CACUL1: variants seen among roughly 807,000 people sequenced by gnomAD.
CACUL1 encodes CDK2-associated and cullin domain-containing protein 1.
A neutral mutation model predicts 45.2 loss-of-function variants in CACUL1; 13 were observed. The ratio of observed to expected loss-of-function variants is 0.29; its 90% CI spans 0.19 to 0.46. The LOEUF (loss-of-function observed/expected upper bound fraction) is 0.46. Ranked by LOEUF, CACUL1 falls within the 20% of genes least tolerant of loss-of-function variation. The probability of loss-of-function intolerance (pLI) is 1.00; values close to 1 mark genes in which losing one functional copy is unlikely to be tolerated. For missense variants in CACUL1, 421 were observed against 471.4 expected, an observed-to-expected ratio of 0.89 and a Z score of 0.99; for synonymous variants, 197 against 174.2, an observed-to-expected ratio of 1.13 and a Z score of -1.03.
intron 5 of CACUL1, among the ~76,000 whole-genome samples, chr10:118,696,853 T>C (rs543181992): frequency 6.6e-6 from 1 of 152,346 alleles, no homozygotes; most frequent in South Asian, 2.1e-4. Context: ...CTTCCTAACC[T>C]TTTCACCATT....
intron 3 of CACUL1, among the ~76,000 whole-genome samples, chr10:118,710,182 T>C (rs1185205995): frequency 1.3e-5 from 2 of 151,718 alleles, no homozygotes; most frequent in African/African-American, 2.4e-5. Flanking sequence ...TGCCTCAGCC[T>C]CCCAAAGGGC....
intron 4 of CACUL1, among the ~76,000 whole-genome samples, chr10:118,702,399 C>A (rs1226924138): frequency 6.6e-6 from 1 of 152,164 alleles, no homozygotes; most frequent in Non-Finnish European, 1.5e-5. Context: ...GACCAAAAAT[C>A]AAGTCCTTAG....
At chr10:118,752,011 TG>T (rs1170245625) in intron 1 of CACUL1, among the ~76,000 whole-genome samples, 2 of 152,206 alleles carry the variant, frequency 1.3e-5, no homozygotes, top group African/African-American at 4.8e-5. Flanking sequence ...ATCAAATTTT[TG>T]TAAGTTTATC....
At chr10:118,748,297 C>T (rs1845864707) in intron 1 of CACUL1, among the ~76,000 whole-genome samples, 2 of 152,208 alleles carry the variant, frequency 1.3e-5, no homozygotes, top group Non-Finnish European at 2.9e-5. Context: ...TAACATCTCC[C>T]GCTAGACAAA....
chr10:118,736,409 G>A (rs1845741580), intron 1 of CACUL1, among the ~76,000 whole-genome samples: 1 of 151,308 alleles, frequency 6.6e-6, no homozygotes, highest in East Asian at 1.9e-4. Flanking sequence ...TTTGAGACAG[G>A]GTCTCTCACT....
intron 3 of CACUL1, among the ~76,000 whole-genome samples, chr10:118,712,832 G>A (rs1845502438): frequency 6.6e-6 from 1 of 152,220 alleles, no homozygotes; most frequent in South Asian, 2.1e-4. Flanking sequence ...AGGGGAGGAA[G>A]TACGTGCCCA....
chr10:118,705,509 T>C (rs1254527526), intron 4 of CACUL1, among the ~76,000 whole-genome samples: 2 of 152,178 alleles, frequency 1.3e-5, no homozygotes, highest in Admixed American at 6.5e-5. Context: ...AGAAATAGTA[T>C]GAAAACTTCA....
Position 118,754,960 on chromosome 10 carries a change from T to C in CACUL1, c.-198A>G, listed in dbSNP as rs1589623888. The C allele has an allele frequency of 1.6e-6, 1 of 615,812 alleles. No homozygotes were observed. The highest frequency in any genetic ancestry group is 2.7e-5 in the South Asian group (1 of 36,822). 38.1% of individuals were successfully genotyped at this position (615,812 alleles called of 1,614,324 possible). A position where few individuals can be genotyped will look rare whatever the true frequency, so the allele number is the denominator to read the frequency against. ...AGACGCGGCTGACGGCGGTGGGCGC[T>C]CCGGGGCTCTAGTCTGGGAGAGGCA... On this transcript the variant is annotated 5_prime_UTR_variant, in exon 1 of 9. Coordinates refer to ENST00000369151, the MANE Select transcript of CACUL1 (RefSeq NM_153810.5).
At position 118,684,653 on chromosome 10, in the gene CACUL1, C is replaced by T. The variant is rs570517763; in HGVS notation, c.*1475G>A. On this transcript the variant is annotated 3_prime_UTR_variant, in exon 9 of 9. Coordinates refer to ENST00000369151, the MANE Select transcript of CACUL1 (RefSeq NM_153810.5). ...AATTATTGGGTGACTTACTTGCTCCCAATATCCCACTTCTAACTCTCCCAC... is the reference window on the plus strand; with the variant it reads ...AATTATTGGGTGACTTACTTGCTCCTAATATCCCACTTCTAACTCTCCCAC... The T allele has an allele frequency of 6.6e-6, 1 of 152,248 alleles. No homozygotes were observed. Among genetic ancestry groups the T allele is most frequent in the East Asian group, 1.9e-4 (1 of 5,174 alleles). The allele number at this position is 152,248 out of a possible 1,614,324, so 9.4% of individuals were successfully genotyped here.
intron 5 of CACUL1, among the ~76,000 whole-genome samples, chr10:118,698,878 G>A (rs969082919): frequency 1.3e-5 from 2 of 151,858 alleles, no homozygotes; most frequent in Non-Finnish European, 2.9e-5. Context: ...GGAAATTACT[G>A]ATCAGATTGT....
chr10:118,702,173 C>G (rs527893456), intron 4 of CACUL1, among the ~76,000 whole-genome samples: 1 of 152,318 alleles, frequency 6.6e-6, no homozygotes, highest in African/African-American at 2.4e-5. Flanking sequence ...CTGCCCACCA[C>G]AGAACAACCC....
intron 2 of CACUL1, 55 bp downstream of exon 2, chr10:118,730,229 T>C: frequency 1.3e-6 from 2 of 1,568,816 alleles, no homozygotes; most frequent in South Asian, 2.2e-5. Context: ...ATAATTCAAG[T>C]GCCTTGAACC....
chr10:118,700,600 C>G (rs1845369148), intron 5 of CACUL1, among the ~76,000 whole-genome samples: 1 of 151,796 alleles, frequency 6.6e-6, no homozygotes, highest in Non-Finnish European at 1.5e-5. Context: ...ACCTGTAATC[C>G]CAGCTACTCG....
chr10:118,737,114 A>C (rs2119657108), intron 1 of CACUL1, among the ~76,000 whole-genome samples: 1 of 148,108 alleles, frequency 6.8e-6, no homozygotes, highest in African/African-American at 2.5e-5. Flanking sequence ...ACTTTAACAT[A>C]TCTGTTCCTT....
chr10:118,705,759 A>C (rs1266467648), intron 4 of CACUL1, among the ~76,000 whole-genome samples: 3 of 152,248 alleles, frequency 2.0e-5, no homozygotes, highest in Non-Finnish European at 4.4e-5. Flanking sequence ...TTTCTGTGAT[A>C]TCAAAAGAAA....
chr10:118,704,477 C>T (rs1845414816), intron 4 of CACUL1, among the ~76,000 whole-genome samples: 1 of 152,196 alleles, frequency 6.6e-6, no homozygotes, highest in Non-Finnish European at 1.5e-5. Context: ...TGAAAGCCCA[C>T]CTCCAGGCCC....
At chr10:118,748,635 A>C (rs1190640138) in intron 1 of CACUL1, among the ~76,000 whole-genome samples, 3 of 152,224 alleles carry the variant, frequency 2.0e-5, no homozygotes, top group African/African-American at 7.2e-5. Flanking sequence ...TGTTCACTGG[A>C]AAATTTTGGA....
chr10:118,707,835 T>G (rs73423945), intron 3 of CACUL1, among the ~76,000 whole-genome samples: 6,112 of 152,262 alleles, frequency 0.04, 388 homozygotes, highest in African/African-American at 0.14. Context: ...TTAAAAGGCT[T>G]CTTCTTTTAC....
At chr10:118,712,091 GA>G (rs1479378475) in intron 3 of CACUL1, among the ~76,000 whole-genome samples, 1 of 152,166 alleles carries the variant, frequency 6.6e-6, no homozygotes, top group Non-Finnish European at 1.5e-5. Flanking sequence ...AAGAAAACAA[GA>G]AAAAAACTGC....
Sources: allele counts gnomAD v4.1 joint callset (sites outside exome capture counted in the v4.1 genomes callset), GRCh38; gene constraint gnomAD v4.1.1; transcripts MANE v1.5; gene names NCBI Gene and HGNC (gene_info 2026-07-23, HGNC 2026-07-21).